Variants in GUCY1A1 observed in about 807,000 individuals in gnomAD.
GUCY1A1 encodes the protein guanylate cyclase 1 soluble subunit alpha 1, also known as guanylate cyclase soluble subunit alpha-1.
A neutral mutation model predicts 64.5 loss-of-function variants in GUCY1A1; 48 were observed. The ratio of observed to expected loss-of-function variants is 0.74; its 90% CI spans 0.59 to 0.95. The LOEUF (loss-of-function observed/expected upper bound fraction) is 0.95. Among genes scored for constraint, GUCY1A1 ranks in the 40% least tolerant of loss-of-function variants. The pLI is 0.00. For missense variants in GUCY1A1, 804 were observed against 825.3 expected, an observed-to-expected ratio of 0.97 and a Z score of 0.32; for synonymous variants, 308 against 303.4, an observed-to-expected ratio of 1.02 and a Z score of -0.16.
At chr4:155,725,079 C>G (rs1178102968) in intron 9 of GUCY1A1, among the ~76,000 whole-genome samples, 1 of 152,118 alleles carries the variant, frequency 6.6e-6, no homozygotes, top group Non-Finnish European at 1.5e-5. Flanking sequence ...CACATACCCT[C>G]TCATTATCCT....
At chr4:155,711,594 A>G (rs1732583467) in intron 6 of GUCY1A1, among the ~76,000 whole-genome samples, 1 of 152,248 alleles carries the variant, frequency 6.6e-6, no homozygotes, top group African/African-American at 2.4e-5. Flanking sequence ...TTTTACAACA[A>G]ACAAAAGTCA....
intron 5 of GUCY1A1, 109 bp downstream of exon 5, chr4:155,708,403 T>C: frequency 1.5e-6 from 1 of 648,950 alleles, no homozygotes; most frequent in Non-Finnish European, 2.8e-6. Flanking sequence ...TATGAAGTGT[T>C]CAATATTATG....
chr4:155,705,897 A>C (rs1417456134), intron 4 of GUCY1A1, among the ~76,000 whole-genome samples: 2 of 152,206 alleles, frequency 1.3e-5, no homozygotes, highest in Non-Finnish European at 2.9e-5. Flanking sequence ...TAACATGAGA[A>C]GCATTCCAGA....
chr4:155,721,600 T>C (rs538685609), intron 8 of GUCY1A1, among the ~76,000 whole-genome samples: 1 of 152,266 alleles, frequency 6.6e-6, no homozygotes, highest in Non-Finnish European at 1.5e-5. Context: ...ATATTTAATA[T>C]CCTTAGAGCT....
intron 4 of GUCY1A1, among the ~76,000 whole-genome samples, chr4:155,706,065 C>T (rs1026636927): frequency 3.3e-5 from 5 of 152,166 alleles, no homozygotes; most frequent in African/African-American, 1.2e-4. Context: ...TCTTGCAATA[C>T]TCAGTTATGA....
intron 2 of GUCY1A1, among the ~76,000 whole-genome samples, chr4:155,675,499 A>G (rs1165429985): frequency 6.6e-6 from 1 of 151,648 alleles, no homozygotes; most frequent in Admixed American, 6.6e-5. Flanking sequence ...CTTCCCAGCG[A>G]AAACAAACGT....
intron 2 of GUCY1A1, among the ~76,000 whole-genome samples, chr4:155,671,679 G>T (rs1422852617): frequency 6.6e-6 from 1 of 152,066 alleles, no homozygotes; most frequent in East Asian, 1.9e-4. Flanking sequence ...GACCAGCTGT[G>T]AGCATAAGAA....
chr4:155,675,158 A>G (rs1578996821), intron 2 of GUCY1A1, among the ~76,000 whole-genome samples: 2 of 151,678 alleles, frequency 1.3e-5, no homozygotes, highest in East Asian at 1.9e-4. Flanking sequence ...ATTTTTCTCC[A>G]TTTGCAATAT....
At chr4:155,689,515 T>C (rs1263307235) in intron 2 of GUCY1A1, among the ~76,000 whole-genome samples, 1 of 152,162 alleles carries the variant, frequency 6.6e-6, no homozygotes, top group East Asian at 1.9e-4. Context: ...CCCAAAGGTT[T>C]TTCTCTTAAA....
chr4:155,722,955 G>A (rs1321478743), intron 9 of GUCY1A1, among the ~76,000 whole-genome samples: 2 of 152,022 alleles, frequency 1.3e-5, no homozygotes, highest in Non-Finnish European at 2.9e-5. Context: ...GGCATGATTC[G>A]TTGAATCATT....
At chr4:155,702,526 C>T (rs779446571) in intron 3 of GUCY1A1, among the ~76,000 whole-genome samples, 3 of 152,140 alleles carry the variant, frequency 2.0e-5, no homozygotes, top group Non-Finnish European at 2.9e-5. Context: ...TCTCAACTGC[C>T]CTTTGCCTTT....
chr4:155,729,138 T>C (rs1735175610), intron 9 of GUCY1A1, among the ~76,000 whole-genome samples: 1 of 151,832 alleles, frequency 6.6e-6, no homozygotes, highest in African/African-American at 2.4e-5. Context: ...AGACATGACA[T>C]TACAGACTAG....
In GUCY1A1 at chr4:155,710,744, G is replaced by A. The variant is rs1378631034; in HGVS notation, c.579G>A (p.Leu193=). 1 of 1,614,012 alleles carries A rather than the reference G, an allele frequency of 6.2e-7. No individual in the cohort carries two copies. The highest frequency in any genetic ancestry group is 8.5e-7 in the Non-Finnish European group (1 of 1,179,936). The change falls in exon 6 of 10, where the codon CTG becomes CTA. Residue 193 remains leucine, a synonymous_variant. Transcript: ENST00000506455. ...GRLEDASILC[L]DKEDDFLHVY... ...TTGAGGACGCCTCCATTCTATGCCTGGATAAGGAGGATGATTTTCTACATG... is the reference window on the plus strand; with the variant it reads ...TTGAGGACGCCTCCATTCTATGCCTAGATAAGGAGGATGATTTTCTACATG...
chr4:155,696,614 C>T (rs1461321406), intron 2 of GUCY1A1, 142 bp from the exon 3 acceptor site: 1 of 372,296 alleles, frequency 2.7e-6, no homozygotes, highest in East Asian at 4.2e-5. Flanking sequence ...AAATGTCCTG[C>T]TCATTTTATA....
intron 2 of GUCY1A1, among the ~76,000 whole-genome samples, chr4:155,686,361 G>A (rs12647902): frequency 0.13 from 20,003 of 152,050 alleles, 1,596 homozygotes; most frequent in Admixed American, 0.22. Flanking sequence ...TGCGCCTGTT[G>A]TCCCAGCTAC....
chr4:155,684,487 G>T (rs978155951), intron 2 of GUCY1A1, among the ~76,000 whole-genome samples: 5 of 152,142 alleles, frequency 3.3e-5, no homozygotes, highest in African/African-American at 1.2e-4. Context: ...ATCAGAAAGA[G>T]CTTTACTGCT....
chr4:155,714,402 C>T (rs534949232), intron 7 of GUCY1A1, among the ~76,000 whole-genome samples: 1 of 152,304 alleles, frequency 6.6e-6, no homozygotes, highest in South Asian at 2.1e-4. Flanking sequence ...ATTGTAGGCA[C>T]TGGGGATACA....
chr4:155,730,385 TG>T lies in GUCY1A1; in HGVS notation c.*155del. The T allele has an allele frequency of 5.1e-5, 4 of 78,766 alleles. No homozygotes were observed. The highest frequency in any genetic ancestry group is 4.3e-4 in the South Asian group (2 of 4,652). The allele number at this position is 78,766 out of a possible 1,614,324, so 4.9% of individuals were successfully genotyped here. A position where few individuals can be genotyped will look rare whatever the true frequency, so the allele number is the denominator to read the frequency against. ...CTTTCTCCTGTTTAACATGACAAAA[TG>T]TATGTACTCACTTCAGTACTTCAGC... is the stretch of plus-strand genomic sequence containing the variant. On this transcript the variant is annotated 3_prime_UTR_variant, in exon 10 of 10. Transcript: ENST00000506455.
In GUCY1A1 at chr4:155,713,152, T is replaced by G. The variant is rs1331558254; in HGVS notation, c.1141T>G (p.Phe381Val). 1 of 1,612,728 alleles carries G rather than the reference T, an allele frequency of 6.2e-7. No individual in the cohort carries two copies. Among genetic ancestry groups the G allele is most frequent in the Non-Finnish European group, 8.5e-7 (1 of 1,178,946 alleles). Residue 381 changes from phenylalanine to valine, a missense_variant, in exon 7 of 10, where the codon TTT (phenylalanine) becomes GTT (valine). Coordinates refer to ENST00000506455, the MANE Select transcript of GUCY1A1 (RefSeq NM_001130682.3). Reference sequence around the variant, plus strand: ...CATTGTTGAATCCAGTGCAATCTTGTTTTTGGGGTCACCCTGTGTGGACAG... The same window carrying G: ...CATTGTTGAATCCAGTGCAATCTTGGTTTTGGGGTCACCCTGTGTGGACAG... ...IYIVESSAIL[F>V]LGSPCVDRLE...
Sources: allele counts gnomAD v4.1 joint callset (sites outside exome capture counted in the v4.1 genomes callset), GRCh38; gene constraint gnomAD v4.1.1; transcripts MANE v1.5; gene names NCBI Gene and HGNC (gene_info 2026-07-23, HGNC 2026-07-21).